Variants in SLC24A2 observed in about 807,000 individuals in gnomAD.
SLC24A2 encodes the protein solute carrier family 24 member 2.
A neutral mutation model predicts 62.0 loss-of-function variants in SLC24A2; 36 were observed. The observed-to-expected ratio is 0.58, with a 90% CI of 0.44 to 0.77. The LOEUF is 0.77. Among genes scored for constraint, SLC24A2 ranks in the 30% least tolerant of loss-of-function variants. The pLI is 0.00. For missense variants in SLC24A2, 846 were observed against 817.9 expected, an observed-to-expected ratio of 1.03 and a Z score of -0.42; for synonymous variants, 358 against 294.0, an observed-to-expected ratio of 1.22 and a Z score of -2.23.
At chr9:20,007,917 A>T in the SLC24A2 span, among the ~76,000 whole-genome samples, 12 of 18,454 alleles carry the variant, frequency 6.5e-4, no homozygotes, top group East Asian at 2.0e-3. Flanking sequence ...TTTTTTTTTG[A>T]CAGAGCCTCA....
the SLC24A2 span, among the ~76,000 whole-genome samples, chr9:19,901,897 G>A: frequency 3.3e-5 from 5 of 152,152 alleles, no homozygotes; most frequent in Non-Finnish European, 7.3e-5. Flanking sequence ...TAGTCAGTAG[G>A]CAATGGTGGC....
At chr9:20,265,099 C>T in the SLC24A2 span, among the ~76,000 whole-genome samples, 7 of 152,214 alleles carry the variant, frequency 4.6e-5, no homozygotes, top group East Asian at 1.9e-4. Context: ...GCTCTTGCAG[C>T]GGGCTACAGC....
chr9:20,266,379 T>G, the SLC24A2 span, among the ~76,000 whole-genome samples: 3 of 152,184 alleles, frequency 2.0e-5, no homozygotes, highest in Admixed American at 2.0e-4. Context: ...AGAACCTACA[T>G]GACTGTCGGG....
the SLC24A2 span, among the ~76,000 whole-genome samples, chr9:20,125,493 T>C: frequency 6.6e-6 from 1 of 152,178 alleles, no homozygotes; most frequent in Non-Finnish European, 1.5e-5. Context: ...AAACTTCCTA[T>C]ACATATAAGA....
chr9:19,975,528 T>C, the SLC24A2 span, among the ~76,000 whole-genome samples: 1 of 152,338 alleles, frequency 6.6e-6, no homozygotes, highest in East Asian at 1.9e-4. Flanking sequence ...TCTTTGCACT[T>C]CTATTTCCTC....
the SLC24A2 span, among the ~76,000 whole-genome samples, chr9:19,945,967 CT>C: frequency 6.6e-6 from 1 of 152,190 alleles, no homozygotes; most frequent in African/African-American, 2.4e-5. Flanking sequence ...TGGGAATCAT[CT>C]CAAATACAGT....
chr9:19,697,576 G>A (rs992427497), intron 2 of SLC24A2, among the ~76,000 whole-genome samples: 7 of 152,158 alleles, frequency 4.6e-5, no homozygotes, highest in Non-Finnish European at 8.8e-5. Flanking sequence ...AAAGTTCTGA[G>A]TGAGTTCTAT....
chr9:19,636,315 T>TTTTCTTTTTC, intron 2 of SLC24A2, among the ~76,000 whole-genome samples: 3 of 40,328 alleles, frequency 7.4e-5, no homozygotes, highest in Non-Finnish European at 9.4e-5. Flanking sequence ...TTTTCTTTTC[T>TTTTCTTTTTC]TTTCTTTCTT....
chr9:19,694,786 G>A (rs976005470), intron 2 of SLC24A2, among the ~76,000 whole-genome samples: 4 of 152,272 alleles, frequency 2.6e-5, no homozygotes, highest in Admixed American at 2.6e-4. Flanking sequence ...GGAGACAGGA[G>A]GCTGAGCATC....
At chr9:19,578,537 C>T (rs1836102353) in intron 5 of SLC24A2, among the ~76,000 whole-genome samples, 1 of 113,552 alleles carries the variant, frequency 8.8e-6, no homozygotes, top group Non-Finnish European at 1.7e-5. Context: ...ACAACCCCTA[C>T]AGTTTTCCCA....
the SLC24A2 span, among the ~76,000 whole-genome samples, chr9:20,298,912 ACT>A: frequency 6.6e-6 from 1 of 152,104 alleles, no homozygotes; most frequent in Non-Finnish European, 1.5e-5. Flanking sequence ...GGCTCATATG[ACT>A]CTAAGTTCTT....
At chr9:19,735,466 A>G (rs1230939712) in intron 2 of SLC24A2, among the ~76,000 whole-genome samples, 3 of 152,144 alleles carry the variant, frequency 2.0e-5, no homozygotes, top group Admixed American at 6.6e-5. Flanking sequence ...TCAGGGATCT[A>G]GAACTAGAAA....
the SLC24A2 span, among the ~76,000 whole-genome samples, chr9:20,109,116 C>T: frequency 2.0e-5 from 3 of 152,158 alleles, no homozygotes; most frequent in East Asian, 1.9e-4. Flanking sequence ...GTATTCCATA[C>T]AGCCTAGGTG....
At chr9:20,051,010 A>G in the SLC24A2 span, among the ~76,000 whole-genome samples, 1 of 152,190 alleles carries the variant, frequency 6.6e-6, no homozygotes, top group African/African-American at 2.4e-5. Flanking sequence ...GAAGGTACAT[A>G]GTGAGATGGT....
the SLC24A2 span, among the ~76,000 whole-genome samples, chr9:19,954,036 G>C: frequency 1.3e-5 from 2 of 151,848 alleles, no homozygotes; most frequent in Non-Finnish European, 2.9e-5. Flanking sequence ...CCTCAGCACA[G>C]TTTGGGAACT....
the SLC24A2 span, among the ~76,000 whole-genome samples, chr9:20,244,612 G>T: frequency 5.6e-4 from 86 of 152,314 alleles, no homozygotes; most frequent in Non-Finnish European, 1.1e-3. Flanking sequence ...AAGCTAAATG[G>T]AAGTTTGGTA....
the SLC24A2 span, among the ~76,000 whole-genome samples, chr9:20,001,781 C>G: frequency 1.3e-5 from 2 of 152,064 alleles, no homozygotes; most frequent in East Asian, 3.8e-4. Flanking sequence ...AAGGTTGCCT[C>G]TCCCAAAGAA....
chr9:19,980,043 A>G, the SLC24A2 span, among the ~76,000 whole-genome samples: 1 of 152,218 alleles, frequency 6.6e-6, no homozygotes, highest in Non-Finnish European at 1.5e-5. Flanking sequence ...CAGAAGACGC[A>G]TGTAAAGGAA....
intron 2 of SLC24A2, among the ~76,000 whole-genome samples, chr9:19,666,222 T>C (rs1471202074): frequency 1.3e-5 from 2 of 152,010 alleles, no homozygotes; most frequent in East Asian, 1.9e-4. Flanking sequence ...GTGGGCAACA[T>C]GGGGAGACCT....
Sources: allele counts gnomAD v4.1 joint callset (sites outside exome capture counted in the v4.1 genomes callset), GRCh38; gene constraint gnomAD v4.1.1; transcripts MANE v1.5; gene names NCBI Gene and HGNC (gene_info 2026-07-23, HGNC 2026-07-21).